The following PTPRZ1 variants were observed in gnomAD, a reference collection of about 807,000 sequenced individuals.
PTPRZ1 encodes protein tyrosine phosphatase receptor type Z1, also known as receptor-type tyrosine-protein phosphatase zeta.
PTPRZ1 carries 82 observed loss-of-function variants against 214.1 expected under a neutral mutation model. That is an observed-to-expected ratio of 0.38 (90% CI 0.32 to 0.46). The LOEUF (loss-of-function observed/expected upper bound fraction) is 0.46. PTPRZ1 is among the 20% of genes least tolerant of loss of function. PTPRZ1 has a pLI of 1.00. For synonymous variants in PTPRZ1, 945 were observed against 987.9 expected, an observed-to-expected ratio of 0.96 and a Z score of 0.81; for missense variants, 2,603 against 2,748.7, an observed-to-expected ratio of 0.95 and a Z score of 1.19.
At position 122,011,792 on chromosome 7, in the gene PTPRZ1, A is replaced by G. The variant is rs773190017; in HGVS notation, c.2746A>G (p.Met916Val). The G allele has an allele frequency of 2.5e-5, 41 of 1,614,002 alleles. No homozygotes were observed. In the African/African-American group the frequency reaches 4.4e-4, roughly 17 times the overall value. The change falls in exon 12 of 30, where the codon ATG (methionine) becomes GTG (valine). Residue 916 changes from methionine to valine, a missense_variant. Met to Val is a conservative substitution (Grantham distance 21, BLOSUM62 1). Transcript: ENST00000393386. Reference sequence around the variant, plus strand: ...AGTTGAACCACCCAGCAGTGATGCCATGATGCATGCACGTTCTTCAGGGCC... The same window carrying G: ...AGTTGAACCACCCAGCAGTGATGCCGTGATGCATGCACGTTCTTCAGGGCC... ...SQVEPPSSDA[M>V]MHARSSGPEP...
intron 1 of PTPRZ1, among the ~76,000 whole-genome samples, chr7:121,920,926 G>C (rs943715460): frequency 6.6e-6 from 1 of 152,030 alleles, no homozygotes; most frequent in African/African-American, 2.4e-5. Context: ...TTACCAAACA[G>C]TGTCATTGAA....
chr7:121,897,805 C>T (rs1162279944), intron 1 of PTPRZ1, among the ~76,000 whole-genome samples: 2 of 152,160 alleles, frequency 1.3e-5, no homozygotes, highest in African/African-American at 4.8e-5. Context: ...TCAAGAAACA[C>T]TAAGTGATTG....
Position 122,013,197 on chromosome 7 carries a change from A to G in PTPRZ1, c.4151A>G (p.Asp1384Gly), listed in dbSNP as rs532281790. The G allele has an allele frequency of 6.2e-7, 1 of 1,614,110 alleles. No homozygotes were observed. The highest frequency in any genetic ancestry group is 1.1e-5 in the South Asian group (1 of 91,076). ...ATTACAGCTGTTTCTCCCCACAGAGATGGTTCTGTAACCTCAACAAAGTTG... is the reference window on the plus strand; with the variant it reads ...ATTACAGCTGTTTCTCCCCACAGAGGTGGTTCTGTAACCTCAACAAAGTTG... ...VAITAVSPHR[D>G]GSVTSTKLLF... The change falls in exon 12 of 30, where the codon GAT (aspartate) becomes GGT (glycine). Residue 1384 changes from aspartate to glycine, a missense_variant. By Grantham distance (94) the Asp-to-Gly change is moderately conservative. Around this residue, in one of 6 missense-constraint regions of PTPRZ1, gnomAD observed 1,913 missense variants for 1,914.3 expected, o/e 1.00. Transcript: ENST00000393386.
chr7:122,015,596 TTTAGTTTTCA>T (rs1248186446), intron 12 of PTPRZ1, among the ~76,000 whole-genome samples: 1 of 152,062 alleles, frequency 6.6e-6, no homozygotes, highest in Non-Finnish European at 1.5e-5. Context: ...GTAGCTGCTT[TTTAGTTTTCA>T]TTAGATTTAT....
At chr7:122,009,970 T>G (rs1798597361) in intron 11 of PTPRZ1, among the ~76,000 whole-genome samples, 1 of 152,108 alleles carries the variant, frequency 6.6e-6, no homozygotes, top group Admixed American at 6.6e-5. Flanking sequence ...CTATTTACCT[T>G]GATGCCTGAT....
intron 2 of PTPRZ1, among the ~76,000 whole-genome samples, chr7:121,949,700 T>C (rs1278369658): frequency 6.6e-6 from 1 of 152,180 alleles, no homozygotes; most frequent in Non-Finnish European, 1.5e-5. Flanking sequence ...GGGACATCAA[T>C]GCCAGTATTG....
intron 13 of PTPRZ1, among the ~76,000 whole-genome samples, chr7:122,021,499 G>A (rs1376976808): frequency 6.6e-6 from 1 of 152,138 alleles, no homozygotes; most frequent in Non-Finnish European, 1.5e-5. Context: ...TTGCAAAGGT[G>A]AAGTAAGTAG....
intron 11 of PTPRZ1, among the ~76,000 whole-genome samples, chr7:122,005,847 T>C (rs1346151108): frequency 6.6e-6 from 1 of 152,030 alleles, no homozygotes; most frequent in Non-Finnish European, 1.5e-5. Context: ...ACAGACTTTT[T>C]AGAAAGGACC....
chr7:121,876,783 T>C (rs1794076317), intron 1 of PTPRZ1, among the ~76,000 whole-genome samples: 1 of 152,192 alleles, frequency 6.6e-6, no homozygotes. Flanking sequence ...AGAAATCATT[T>C]CATTGATGAA....
chr7:121,966,114 A>G (rs539554439), intron 2 of PTPRZ1, among the ~76,000 whole-genome samples: 1 of 131,298 alleles, frequency 7.6e-6, no homozygotes, highest in South Asian at 2.4e-4. Context: ...GCATCAGGAT[A>G]ACTTCTTACT....
chr7:122,013,239 C>A lies in PTPRZ1; in HGVS notation c.4193C>A (p.Ala1398Glu). The stretch of plus-strand genomic sequence containing the variant: ...ACAAAGTTGCTGTTTCCTTCTAAGG[C>A]AACTTCTGAGCTGAGTCATAGTGCC... ...TSTKLLFPSK[A>E]TSELSHSAKS... Residue 1398 changes from alanine (A) to glutamate (E), a missense_variant, in exon 12 of 30, where the codon GCA becomes GAA. Ala to Glu is a moderately radical substitution (Grantham distance 107, BLOSUM62 -1). Transcript: ENST00000393386. 1 of 1,614,110 alleles carries A rather than the reference C, an allele frequency of 6.2e-7. No homozygotes were observed. The highest frequency in any genetic ancestry group is 8.5e-7 in the Non-Finnish European group (1 of 1,180,022).
chr7:121,957,989 T>C (rs778243030), intron 2 of PTPRZ1, among the ~76,000 whole-genome samples: 8 of 152,240 alleles, frequency 5.3e-5, no homozygotes, highest in Non-Finnish European at 1.0e-4. Context: ...CAACTTTCCA[T>C]AACTTCAAAC....
At chr7:121,950,619 CA>C (rs761174844) in intron 2 of PTPRZ1, among the ~76,000 whole-genome samples, 7 of 152,206 alleles carry the variant, frequency 4.6e-5, no homozygotes, top group Non-Finnish European at 1.0e-4. Context: ...CAAATTTCTA[CA>C]CTGAATATTA....
Position 122,061,271 on chromosome 7 carries a change from A to G in PTPRZ1, c.*51A>G. 6.9e-7 allele frequency: 1 copy of G among 1,441,754 alleles called. No homozygotes were observed. Among genetic ancestry groups the G allele is most frequent in the Non-Finnish European group, 9.3e-7 (1 of 1,073,298 alleles). 89.3% of individuals were successfully genotyped at this position (1,441,754 alleles called of 1,614,324 possible). A position where few individuals can be genotyped will look rare whatever the true frequency, so the allele number is the denominator to read the frequency against. On this transcript the variant is annotated 3_prime_UTR_variant, in exon 30 of 30. Transcript: ENST00000393386. ...ATCTGAGCATTGTTTTCCTCTTCCT[A>G]AAATTAGGCAGGAAAATCAGTCTAG...
Position 122,012,920 on chromosome 7 carries a change from T to A in PTPRZ1, c.3874T>A (p.Leu1292Met), listed in dbSNP as rs778070742. Reference sequence around the variant, plus strand: ...ACCTTCTTTGTACAGTAATGATGAGTTGTTCCAAACGGCCAATTTGGAGAT... The same window carrying A: ...ACCTTCTTTGTACAGTAATGATGAGATGTTCCAAACGGCCAATTTGGAGAT... ...VVPSLYSNDE[L>M]FQTANLEINQ... Residue 1292 changes from leucine to methionine, a missense_variant, in exon 12 of 30, where the codon TTG (leucine) becomes ATG (methionine). Leu to Met is a conservative substitution (Grantham distance 15). Transcript: ENST00000393386. 6.2e-7 allele frequency: 1 copy of A among 1,614,070 alleles called. No individual in the cohort carries two copies. The highest frequency in any genetic ancestry group is 1.1e-5 in the South Asian group (1 of 91,082).
chr7:121,910,859 G>A (rs187111979), intron 1 of PTPRZ1, among the ~76,000 whole-genome samples: 18 of 152,192 alleles, frequency 1.2e-4, no homozygotes, highest in African/African-American at 4.3e-4. Context: ...TGTTTTATAA[G>A]CAGGAAATAC....
chr7:122,044,627 C>T, intron 23 of PTPRZ1, 59 bp downstream of exon 23: 1 of 1,557,370 alleles, frequency 6.4e-7, no homozygotes, highest in South Asian at 1.2e-5. Flanking sequence ...CCTGCATCTT[C>T]TCATTTGAGT....
At chr7:122,004,492 T>C in intron 10 of PTPRZ1, 122 bp from the exon 11 acceptor site, 1 of 595,078 alleles carries the variant, frequency 1.7e-6, no homozygotes, top group Non-Finnish European at 3.0e-6. Context: ...AAAGTCTGTA[T>C]TTTCAAAGCT....
At chr7:121,991,018 G>T (rs891251352) in intron 8 of PTPRZ1, among the ~76,000 whole-genome samples, 1 of 152,108 alleles carries the variant, frequency 6.6e-6, no homozygotes, top group Non-Finnish European at 1.5e-5. Flanking sequence ...GCACAGGGGG[G>T]AAAATCAGAC....
Sources: gnomAD v4.1 joint callset for allele counts (sites outside exome capture counted in the v4.1 genomes callset) on GRCh38, gnomAD v4.1.1 for gene constraint, gnomAD v4.1.1 regional missense constraint, MANE v1.5 for transcripts, NCBI Gene and HGNC (gene_info 2026-07-23, HGNC 2026-07-21) for gene names.